DHRSX: variants seen among roughly 807,000 people sequenced by gnomAD.
The protein encoded by DHRSX is dehydrogenase/reductase X-linked.
In DHRSX, 31 loss-of-function variants were observed where a neutral mutation model predicts 34.0. The observed-to-expected ratio is 0.91, with a 90% confidence interval of 0.69 to 1.23. The LOEUF (loss-of-function observed/expected upper bound fraction) is 1.23. DHRSX is among the 50% of genes most tolerant of loss of function. The pLI is 0.00. For synonymous variants in DHRSX, 201 were observed against 183.8 expected (o/e 1.09, Z -0.76); for missense variants, 414 against 428.1 (o/e 0.97, Z 0.29).
chrX:2,235,370 A>AC (rs2015987472), intron 6 of DHRSX, among the ~76,000 whole-genome samples: 3 of 152,274 alleles, frequency 2.0e-5, no homozygotes, highest in Admixed American at 2.0e-4. Flanking sequence ...AGAAGCCGGG[A>AC]CTTCACCGCT....
intron 5 of DHRSX, among the ~76,000 whole-genome samples, chrX:2,260,047 C>T (rs905496440): frequency 6.6e-6 from 1 of 152,038 alleles, no homozygotes; most frequent in South Asian, 2.1e-4. Flanking sequence ...GGGGAGGGCC[C>T]TTCCTGCCTC....
intron 1 of DHRSX, among the ~76,000 whole-genome samples, chrX:2,431,834 C>A (rs1189361156): frequency 6.6e-6 from 1 of 152,140 alleles, no homozygotes; most frequent in African/African-American, 2.4e-5. Flanking sequence ...GATCCTTGTG[C>A]TCCAAACCTC....
chrX:2,422,182 T>C (rs2043788708), intron 2 of DHRSX, among the ~76,000 whole-genome samples: 1 of 152,212 alleles, frequency 6.6e-6, no homozygotes, highest in African/African-American at 2.4e-5. Flanking sequence ...TGATCCATGA[T>C]CATCTTTCCA....
chrX:2,345,893 C>G (rs1002453333), intron 3 of DHRSX, among the ~76,000 whole-genome samples: 1 of 152,112 alleles, frequency 6.6e-6, no homozygotes, highest in Non-Finnish European at 1.5e-5. Context: ...TTGCCAGCCT[C>G]CATCACCATA....
rs1205067127 is a variant in DHRSX, at chrX:2,378,067, C to T, written c.286+30678G>A. Among the ~76,000 whole-genome samples, 9 of 152,290 alleles carry T rather than the reference C, an allele frequency of 5.9e-5. No homozygotes were observed. The South Asian group carries it at 6.2e-4, about 11-fold the overall frequency. The stretch of plus-strand genomic sequence containing the variant: ...GCACACAATACTTCAACTTACTGAA[C>T]GCTTATTCTTTGTGTCTGGTGCAAT... On this transcript the variant is annotated intron_variant, in intron 3 of 6. Coordinates refer to ENST00000334651, the MANE Select transcript of DHRSX (RefSeq NM_145177.3).
intron 4 of DHRSX, among the ~76,000 whole-genome samples, chrX:2,277,071 AAG>A (rs1254865929): frequency 1.3e-5 from 1 of 74,544 alleles, no homozygotes; most frequent in Admixed American, 1.2e-4. Flanking sequence ...AATAGGGGGA[AAG>A]AGAGAAAGAG....
At chrX:2,373,957 G>A (rs1473187868) in intron 3 of DHRSX, among the ~76,000 whole-genome samples, 4 of 152,184 alleles carry the variant, frequency 2.6e-5, no homozygotes, top group Non-Finnish European at 2.9e-5. Flanking sequence ...ATATTGTGAC[G>A]TAAAGTAAGT....
At chrX:2,402,823 C>A (rs2043503129) in intron 3 of DHRSX, among the ~76,000 whole-genome samples, 2 of 151,918 alleles carry the variant, frequency 1.3e-5, no homozygotes, top group South Asian at 4.2e-4. Context: ...GTATCCATCC[C>A]CTCGAGCATT....
chrX:2,300,569 G>A (rs1277454124), intron 3 of DHRSX, among the ~76,000 whole-genome samples: 3 of 152,102 alleles, frequency 2.0e-5, no homozygotes, highest in African/African-American at 2.4e-5. Flanking sequence ...CAAAAAGCAG[G>A]CAAAAGAATG....
intron 5 of DHRSX, among the ~76,000 whole-genome samples, chrX:2,253,835 C>T (rs1464120949): frequency 3.9e-5 from 6 of 152,044 alleles, no homozygotes; most frequent in African/African-American, 9.7e-5. Flanking sequence ...CCGAGGCGGG[C>T]GGATCACGAG....
At chrX:2,263,670 C>T (rs1460432763) in intron 5 of DHRSX, among the ~76,000 whole-genome samples, 5 of 152,052 alleles carry the variant, frequency 3.3e-5, no homozygotes, top group East Asian at 1.9e-4. Context: ...TCCACCACCA[C>T]GCCTGGCTAA....
Position 2,282,606 on chromosome X carries a change from GAAGA to G in DHRSX, c.388+8892_388+8895del, listed in dbSNP as rs370801923. 2.4e-3 allele frequency among the ~76,000 whole-genome samples: 333 copies of G among 141,106 alleles called. 1 individual carries two copies. The highest frequency in any genetic ancestry group is 5.4e-3 in the African/African-American group (202 of 37,376). 92.6% of individuals were successfully genotyped at this position (141,106 alleles called of 152,430 possible). ...AGAGAGAGAAGAAAGAGGGGAGAGA[GAAGA>G]AAGAGGGGAGGGAGAGAAGAAGGGA... is the stretch of plus-strand genomic sequence containing the variant. On this transcript the variant is annotated intron_variant, in intron 4 of 6. Transcript: ENST00000334651.
At chrX:2,292,921 G>T (rs996360503) in intron 3 of DHRSX, among the ~76,000 whole-genome samples, 1 of 152,160 alleles carries the variant, frequency 6.6e-6, no homozygotes, top group Admixed American at 6.6e-5. Flanking sequence ...TTCTGCAGAA[G>T]AATAATAAAA....
intron 3 of DHRSX, among the ~76,000 whole-genome samples, chrX:2,322,336 G>A (rs2042321618): frequency 6.6e-6 from 1 of 151,942 alleles, no homozygotes; most frequent in Non-Finnish European, 1.5e-5. Context: ...GTCACCTAAG[G>A]TCAGGAGTTC....
At chrX:2,244,961 C>T (rs1239944022) in intron 5 of DHRSX, among the ~76,000 whole-genome samples, 5 of 152,054 alleles carry the variant, frequency 3.3e-5, no homozygotes, top group Admixed American at 6.6e-5. Context: ...CTGCCCACCT[C>T]GGCCTCCCAA....
At chrX:2,351,110 C>A in intron 3 of DHRSX, among the ~76,000 whole-genome samples, 1 of 151,860 alleles carries the variant, frequency 6.6e-6, no homozygotes, top group South Asian at 2.1e-4. Flanking sequence ...GGGAGGGCAT[C>A]AGGGCAAATA....
At chrX:2,487,626 C>T (rs936446760) in intron 1 of DHRSX, 1 of 152,206 alleles carries the variant, frequency 6.6e-6, no homozygotes, top group African/African-American at 2.4e-5. Context: ...CACGCCCGGC[C>T]ACCGCCCAGT....
intron 6 of DHRSX, among the ~76,000 whole-genome samples, chrX:2,232,707 G>A (rs1176281216): frequency 6.6e-6 from 1 of 151,896 alleles, no homozygotes. Context: ...CGAGTAGCTG[G>A]GATTACAGGT....
At chrX:2,227,139 C>A (rs1365296971) in intron 6 of DHRSX, among the ~76,000 whole-genome samples, 3 of 152,030 alleles carry the variant, frequency 2.0e-5, no homozygotes, top group Non-Finnish European at 4.4e-5. Context: ...ACATGCCAGG[C>A]AGTGCTGAGA....
Sources: gnomAD v4.1 joint callset for allele counts (sites outside exome capture counted in the v4.1 genomes callset) on GRCh38, gnomAD v4.1.1 for gene constraint, MANE v1.5 for transcripts, NCBI Gene and HGNC (gene_info 2026-07-23, HGNC 2026-07-21) for gene names.